Variants in MGST1 observed in about 807,000 individuals in gnomAD.
MGST1 encodes the protein microsomal glutathione S-transferase 1, also known as glutathione S-transferase 12.
A neutral mutation model predicts 8.9 loss-of-function variants in MGST1; 5 were observed. That is an observed-to-expected ratio of 0.56 (90% CI 0.29 to 1.19). The LOEUF is 1.19. Ranked by LOEUF, MGST1 falls within the 50% of genes most tolerant of loss-of-function variation. The probability of loss-of-function intolerance (pLI) is 0.08; values close to 1 mark genes in which losing one functional copy is unlikely to be tolerated. For synonymous variants in MGST1, 54 were observed against 67.8 expected (o/e 0.80, Z 1.00); for missense variants, 182 against 187.4 (o/e 0.97, Z 0.17).
At chr12:16,487,083 TG>T (rs1941403679) in intron 4 of MGST1, among the ~76,000 whole-genome samples, 1 of 152,174 alleles carries the variant, frequency 6.6e-6, no homozygotes, top group Admixed American at 6.5e-5. Flanking sequence ...TGCAAGATCC[TG>T]TGTGCTGCTC....
chr12:16,543,733 G>C (rs984076518), intron 4 of MGST1, among the ~76,000 whole-genome samples: 2 of 152,028 alleles, frequency 1.3e-5, no homozygotes, highest in African/African-American at 4.8e-5. Flanking sequence ...TTTTCTGCCT[G>C]ATGGCAAAGC....
chr12:16,528,509 C>T (rs1260919406), intron 4 of MGST1, among the ~76,000 whole-genome samples: 1 of 151,942 alleles, frequency 6.6e-6, no homozygotes, highest in Non-Finnish European at 1.5e-5. Context: ...TGCCATATAT[C>T]TAGGCAGTCA....
intron 4 of MGST1, among the ~76,000 whole-genome samples, chr12:16,574,298 C>G (rs1942924322): frequency 6.6e-6 from 1 of 152,110 alleles, no homozygotes; most frequent in South Asian, 2.1e-4. Flanking sequence ...GTTGCAGATG[C>G]AGGATGTCTG....
intron 4 of MGST1, among the ~76,000 whole-genome samples, chr12:16,509,961 T>G (rs926708142): frequency 6.6e-6 from 1 of 152,242 alleles, no homozygotes; most frequent in Non-Finnish European, 1.5e-5. Context: ...CTCTTGATCC[T>G]TGATTTCCTC....
At chr12:16,380,448 G>T (rs1233184520), downstream of MGST1, among the ~76,000 whole-genome samples, 1 of 152,092 alleles carries the variant, frequency 6.6e-6, no homozygotes. Context: ...GTGGTTGAGC[G>T]GTTTTGAGTG....
At chr12:16,356,362 T>G (rs1939712690) in intron 2 of MGST1, among the ~76,000 whole-genome samples, 1 of 152,112 alleles carries the variant, frequency 6.6e-6, no homozygotes, top group Non-Finnish European at 1.5e-5. Flanking sequence ...GCCAGGCACT[T>G]ATTTAGGGGA....
intron 4 of MGST1, among the ~76,000 whole-genome samples, chr12:16,455,164 A>G (rs1941163171): frequency 6.6e-6 from 1 of 151,982 alleles, no homozygotes; most frequent in Non-Finnish European, 1.5e-5. Context: ...AAATATGCCT[A>G]GTTTCATAAT....
At chr12:16,457,311 TG>T (rs1226134833) in intron 4 of MGST1, among the ~76,000 whole-genome samples, 1 of 151,998 alleles carries the variant, frequency 6.6e-6, no homozygotes, top group African/African-American at 2.4e-5. Context: ...CATTTGATTT[TG>T]TTTTAAGAAA....
intron 1 of MGST1, among the ~76,000 whole-genome samples, chr12:16,436,557 GAAA>G (rs141363129): frequency 8.1e-5 from 12 of 147,750 alleles, no homozygotes; most frequent in African/African-American, 3.0e-4. Flanking sequence ...AAACAGGAAA[GAAA>G]AAAAAACAGT....
Position 16,389,446 on chromosome 12 carries a change from T to C in MGST1, n.778+5842T>C, listed in dbSNP as rs1481700358. Among the ~76,000 whole-genome samples, 1 of 152,226 alleles carries C rather than the reference T, an allele frequency of 6.6e-6. No individual in the cohort carries two copies. On this transcript the variant is annotated intron_variant and non_coding_transcript_variant, in intron 1 of 1. Transcript: ENST00000359720. This position sits in a 1 kb window ranked among gnomAD's most constrained non-coding sequence, Gnocchi z 4.6. Reference sequence around the variant, plus strand: ...AGGTCTCTTTTTGTCTTTTTTGTGATTCCATGGGTCGGGTCAAATTGACGG... The same window carrying C: ...AGGTCTCTTTTTGTCTTTTTTGTGACTCCATGGGTCGGGTCAAATTGACGG...
exon 2 of MGST1, chr12:16,438,191 C>T (rs1407018927): frequency 6.6e-6 from 1 of 151,948 alleles, no homozygotes; most frequent in African/African-American, 2.4e-5. Flanking sequence ...TGGAATTTCA[C>T]TATAGTGGCT....
intron 4 of MGST1, among the ~76,000 whole-genome samples, chr12:16,530,253 C>G (rs1198345609): frequency 6.6e-6 from 1 of 152,048 alleles, no homozygotes. Context: ...AAGTTTTTAT[C>G]ATAATACTAT....
chr12:16,352,249 A>G (rs1414230165), intron 1 of MGST1, among the ~76,000 whole-genome samples: 2 of 152,362 alleles, frequency 1.3e-5, no homozygotes, highest in Admixed American at 6.5e-5. Flanking sequence ...GTATATATGT[A>G]TGTGGTTTTT....
Position 16,585,266 on chromosome 12 carries a change from A to G in MGST1, n.483-4262A>G, listed in dbSNP as rs1943283420. 6.6e-6 allele frequency among the ~76,000 whole-genome samples: 1 copy of G among 152,010 alleles called. No individual in the cohort carries two copies. Among genetic ancestry groups the G allele is most frequent in the Non-Finnish European group, 1.5e-5 (1 of 68,030 alleles). ...AAATAATTCAGCCTATTTTATTTAC[A>G]TTCAAGTATCATGGTAGAAAACAAG... On this transcript the variant is annotated intron_variant and non_coding_transcript_variant, in intron 4 of 4. Coordinates refer to the MGST1 transcript ENST00000538857. This position sits in a 1 kb window ranked among gnomAD's most constrained non-coding sequence, Gnocchi z 4.7.
intron 1 of MGST1, among the ~76,000 whole-genome samples, chr12:16,414,546 G>T (rs1940769378): frequency 1.3e-5 from 2 of 151,812 alleles, no homozygotes; most frequent in African/African-American, 4.8e-5. Flanking sequence ...CTCCCAAGTA[G>T]CTGGGACTAC....
intron 1 of MGST1, chr12:16,399,146 C>T (rs1461603824): frequency 1.1e-6 from 1 of 932,646 alleles, no homozygotes; most frequent in Non-Finnish European, 1.6e-6. Flanking sequence ...ATAAATGGCC[C>T]CCGAAACCCA....
intron 1 of MGST1, among the ~76,000 whole-genome samples, chr12:16,406,753 C>T (rs936908182): frequency 1.3e-5 from 2 of 152,130 alleles, no homozygotes; most frequent in Admixed American, 6.6e-5. Flanking sequence ...AATAAAGCTG[C>T]ACGCCTATGA....
intron 4 of MGST1, among the ~76,000 whole-genome samples, chr12:16,579,925 G>T (rs1943106969): frequency 6.6e-6 from 1 of 152,134 alleles, no homozygotes; most frequent in Non-Finnish European, 1.5e-5. Flanking sequence ...AGAGAACCAG[G>T]TATCTGTTGG....
At chr12:16,440,268 CACAT>C (rs752441589), downstream of MGST1, among the ~76,000 whole-genome samples, 12 of 150,732 alleles carry the variant, frequency 8.0e-5, no homozygotes, top group African/African-American at 2.9e-4. Context: ...CACACACACA[CACAT>C]ACACAGTAAA....
Sources: gnomAD v4.1 joint callset for allele counts (sites outside exome capture counted in the v4.1 genomes callset) on GRCh38, gnomAD v4.1.1 for gene constraint, Gnocchi (gnomAD v3.1) non-coding constraint, MANE v1.5 for transcripts, NCBI Gene and HGNC (gene_info 2026-07-23, HGNC 2026-07-21) for gene names.